The following INPP5A variants were observed in gnomAD, a reference collection of about 807,000 sequenced individuals.
The protein encoded by INPP5A is 43 kDa inositol polyphosphate 5-phophatase.
In INPP5A, 14 loss-of-function variants were observed where a neutral mutation model predicts 65.2. The ratio of observed to expected loss-of-function variants is 0.21; its 90% CI spans 0.14 to 0.34. The LOEUF is 0.34. Ranked by LOEUF, INPP5A falls within the 10% of genes least tolerant of loss-of-function variation. The pLI, the probability that INPP5A is intolerant of heterozygous loss-of-function variation, is 1.00. For missense variants in INPP5A, 431 were observed against 545.6 expected (o/e 0.79, Z 2.09); for synonymous variants, 207 against 208.3 (o/e 0.99, Z 0.05).
intron 6 of INPP5A, 110 bp from the exon 7 acceptor site, chr10:132,708,202 CT>C (rs1845569801): frequency 2.2e-6 from 2 of 899,922 alleles, no homozygotes; most frequent in Middle Eastern, 4.6e-4. Context: ...CGGAAGAGCC[CT>C]GCTGTTTTTT....
chr10:132,732,831 G>A (rs1298081862), intron 9 of INPP5A, among the ~76,000 whole-genome samples: 1 of 152,150 alleles, frequency 6.6e-6, no homozygotes, highest in Non-Finnish European at 1.5e-5. Flanking sequence ...CCTGTCTTCT[G>A]TTTGCTCATC....
At position 132,630,234 on chromosome 10, in the gene INPP5A, G is replaced by A. The variant is rs115600061; in HGVS notation, c.118-15634G>A. On this transcript the variant is annotated intron_variant, in intron 2 of 15. Transcript: ENST00000368594. ...TCCATGAGGGAAAGCTGTCCATGAG[G>A]GGAAGACGTCCATGAGGGGAAGGCG... 4.9e-3 allele frequency among the ~76,000 whole-genome samples: 740 copies of A among 152,194 alleles called. 6 individuals are homozygous for A. Among genetic ancestry groups the A allele is most frequent in the African/African-American group, 0.017 (706 of 41,532 alleles).
chr10:132,688,685 A>G (rs970766844), intron 4 of INPP5A, among the ~76,000 whole-genome samples: 3 of 150,224 alleles, frequency 2.0e-5, no homozygotes, highest in African/African-American at 4.9e-5. Context: ...GTGCGTGTGC[A>G]TGAGTGCATG....
intron 12 of INPP5A, among the ~76,000 whole-genome samples, chr10:132,770,276 G>A (rs962511934): frequency 5.3e-5 from 8 of 152,242 alleles, no homozygotes; most frequent in East Asian, 1.9e-4. Flanking sequence ...AGAGCCGAAC[G>A]CTCCCAAGTC....
chr10:132,571,760 A>C (rs1310637482), intron 1 of INPP5A, among the ~76,000 whole-genome samples: 1 of 152,158 alleles, frequency 6.6e-6, no homozygotes, highest in Non-Finnish European at 1.5e-5. Context: ...CACAGCCCTG[A>C]TGCCTGTGCT....
intron 4 of INPP5A, among the ~76,000 whole-genome samples, chr10:132,683,220 T>C (rs923091638): frequency 1.4e-5 from 2 of 147,742 alleles, no homozygotes; most frequent in African/African-American, 5.1e-5. Flanking sequence ...GGAGGGCACG[T>C]GTCTGCCGTG....
At chr10:132,732,051 G>A (rs1302631618) in intron 9 of INPP5A, among the ~76,000 whole-genome samples, 1 of 152,234 alleles carries the variant, frequency 6.6e-6, no homozygotes, top group Non-Finnish European at 1.5e-5. Context: ...CCTGGGAGCA[G>A]GGAGGCCTCC....
At chr10:132,668,079 G>T (rs2072830589) in intron 4 of INPP5A, among the ~76,000 whole-genome samples, 1 of 152,132 alleles carries the variant, frequency 6.6e-6, no homozygotes, top group Non-Finnish European at 1.5e-5. Context: ...TTATTTCTAG[G>T]CAACATTAAA....
chr10:132,730,081 C>T (rs892173011), intron 9 of INPP5A, among the ~76,000 whole-genome samples: 3 of 152,246 alleles, frequency 2.0e-5, no homozygotes, highest in Non-Finnish European at 2.9e-5. Context: ...GTAATTGGAA[C>T]AGACATGGAG....
chr10:132,679,257 T>A (rs2133451809), intron 4 of INPP5A, among the ~76,000 whole-genome samples: 1 of 152,302 alleles, frequency 6.6e-6, no homozygotes, highest in South Asian at 2.1e-4. Context: ...GTGAGGCATA[T>A]GGACAAGATG....
At chr10:132,669,691 C>T (rs965741490) in intron 4 of INPP5A, among the ~76,000 whole-genome samples, 2 of 152,174 alleles carry the variant, frequency 1.3e-5, no homozygotes, top group African/African-American at 4.8e-5. Flanking sequence ...CCTGTGCGTG[C>T]CCCATGGGCA....
At chr10:132,723,496 CGTGTGGGG>C (rs1845925930) in intron 8 of INPP5A, among the ~76,000 whole-genome samples, 1 of 141,990 alleles carries the variant, frequency 7.0e-6, no homozygotes, top group Admixed American at 6.9e-5. Context: ...GGGGATTGGC[CGTGTGGGG>C]ATTGGCCATG....
chr10:132,577,450 C>T (rs762166263), intron 1 of INPP5A, among the ~76,000 whole-genome samples: 20 of 152,326 alleles, frequency 1.3e-4, no homozygotes, highest in East Asian at 1.2e-3. Context: ...TCTCGGGCTG[C>T]GCATGCCCGG....
chr10:132,764,014 G>A (rs1424237717), intron 11 of INPP5A, among the ~76,000 whole-genome samples: 1 of 152,288 alleles, frequency 6.6e-6, no homozygotes, highest in Non-Finnish European at 1.5e-5. Flanking sequence ...GCTGACTTGG[G>A]GCCCTTCCCA....
intron 13 of INPP5A, 24 bp from the exon 14 acceptor site, chr10:132,780,825 C>T: frequency 5.0e-6 from 8 of 1,609,492 alleles, no homozygotes; most frequent in East Asian, 2.2e-5. Context: ...TCCCCACACT[C>T]ACCTGTCTGT....
chr10:132,697,869 A>G lies in INPP5A; in HGVS notation c.424A>G (p.Ser142Gly). The G allele has an allele frequency of 1.2e-6, 2 of 1,614,026 alleles. No homozygotes were observed. The highest frequency in any genetic ancestry group is 1.7e-6 in the Non-Finnish European group (2 of 1,179,928). The change falls in exon 6 of 16, where the codon AGC becomes GGC. Residue 142 changes from serine (S) to glycine (G), a missense_variant. Ser to Gly is a moderately conservative substitution (Grantham distance 56, BLOSUM62 0). Transcript: ENST00000368594. This position sits in a 1 kb window ranked among gnomAD's most constrained non-coding sequence, Gnocchi z 5.6. ...AGAGATCTACTCGGATACCTTAGAG[A>G]GCACGCCCATGCTGGAGAAGGAGAA... ...GKEIYSDTLE[S>G]TPMLEKEKFP...
intron 4 of INPP5A, among the ~76,000 whole-genome samples, chr10:132,683,777 C>T (rs1318800158): frequency 3.9e-5 from 6 of 152,186 alleles, no homozygotes; most frequent in East Asian, 3.9e-4. Flanking sequence ...TGCAGTGGCG[C>T]GATCTTGGCT....
At position 132,696,696 on chromosome 10, in the gene INPP5A, C is replaced by T. The variant is rs117103579; in HGVS notation, c.371-1120C>T. 3.1e-3 allele frequency among the ~76,000 whole-genome samples: 468 copies of T among 152,302 alleles called. 1 individual carries two copies. The highest frequency in any genetic ancestry group is 5.5e-3 in the Non-Finnish European group (373 of 68,028). On this transcript the variant is annotated intron_variant, in intron 5 of 15. Coordinates refer to ENST00000368594, the MANE Select transcript of INPP5A (RefSeq NM_005539.5). Reference sequence around the variant, plus strand: ...AATGGCCTCTATTTCACGTTCTGTCCATGCTCCATAAGTCGCTGAAACATC... The same window carrying T: ...AATGGCCTCTATTTCACGTTCTGTCTATGCTCCATAAGTCGCTGAAACATC...
At position 132,720,753 on chromosome 10, in the gene INPP5A, C is replaced by T. The variant is rs557070769; in HGVS notation, c.648-6068C>T. On this transcript the variant is annotated intron_variant, in intron 8 of 15. Coordinates refer to ENST00000368594, the MANE Select transcript of INPP5A (RefSeq NM_005539.5). ...CTGAGTTCTGTCTGGGCGCCTTAGA[C>T]GGCTGTCTTGCGGGTTCTGTGGTAC... Among the ~76,000 whole-genome samples the T allele has an allele frequency of 1.9e-3, 286 of 148,812 alleles. 2 individuals carry two copies. The highest frequency in any genetic ancestry group is 5.8e-3 in the African/African-American group (232 of 40,342).
Sources: allele counts gnomAD v4.1 joint callset (sites outside exome capture counted in the v4.1 genomes callset), GRCh38; gene constraint gnomAD v4.1.1; non-coding constraint Gnocchi (gnomAD v3.1); transcripts MANE v1.5; gene names NCBI Gene and HGNC (gene_info 2026-07-23, HGNC 2026-07-21).